ABCC11: variants seen among roughly 807,000 people sequenced by gnomAD.
ABCC11 encodes the protein ATP-binding cassette sub-family C member 11.
ABCC11 carries 135 observed loss-of-function variants against 149.3 expected under a neutral mutation model. That is an observed-to-expected ratio of 0.90 (90% CI 0.79 to 1.04). The LOEUF (loss-of-function observed/expected upper bound fraction) is 1.04, where lower values mean the gene tolerates loss of function less well. Among genes scored for constraint, ABCC11 ranks in the 50% least tolerant of loss-of-function variants. The pLI is 0.00. For synonymous variants in ABCC11, 665 were observed against 671.4 expected (o/e 0.99, Z 0.15); for missense variants, 1,680 against 1,722.1 (o/e 0.98, Z 0.43).
intron 14 of ABCC11, among the ~76,000 whole-genome samples, chr16:48,201,442 G>T (rs893852984): frequency 1.3e-5 from 2 of 150,348 alleles, no homozygotes; most frequent in African/African-American, 4.9e-5. Context: ...ATCACACTTA[G>T]CCAATGTTTT....
At chr16:48,217,751 C>T (rs1969446653) in intron 6 of ABCC11, among the ~76,000 whole-genome samples, 1 of 152,168 alleles carries the variant, frequency 6.6e-6, no homozygotes, top group Admixed American at 6.5e-5. Flanking sequence ...AGGACATGCC[C>T]TAGTGGGAGC....
At chr16:48,214,807 G>A (rs960987935) in intron 9 of ABCC11, 74 bp downstream of exon 9, 26 of 1,574,876 alleles carry the variant, frequency 1.7e-5, no homozygotes, top group Non-Finnish European at 2.0e-5. Context: ...CCTTTGAGGG[G>A]CATGGCTAAA....
chr16:48,235,008 C>T (rs554855846), intron 1 of ABCC11: 23 of 152,296 alleles, frequency 1.5e-4, no homozygotes, highest in African/African-American at 5.3e-4. Context: ...AAATTATTGG[C>T]TCAAACAAGG....
intron 1 of ABCC11, among the ~76,000 whole-genome samples, chr16:48,236,646 A>G (rs893687534): frequency 3.3e-5 from 5 of 152,232 alleles, no homozygotes; most frequent in Non-Finnish European, 7.3e-5. Flanking sequence ...AGGAGCTAGG[A>G]AAGCCACACA....
intron 6 of ABCC11, among the ~76,000 whole-genome samples, 165 bp downstream of exon 6, chr16:48,222,433 C>T (rs920899548): frequency 1.3e-5 from 2 of 152,156 alleles, no homozygotes; most frequent in Admixed American, 1.3e-4. Context: ...TCATGACACA[C>T]AGGCAATTGT....
At chr16:48,235,203 C>A (rs1004308401) in intron 1 of ABCC11, 1 of 149,992 alleles carries the variant, frequency 6.7e-6, no homozygotes, top group East Asian at 1.9e-4. Flanking sequence ...ACGAAGGTTT[C>A]ACAACTAGAG....
rs779501997 is a variant in ABCC11, at chr16:48,216,290, G to A, written c.778-3C>T. The stretch of plus-strand genomic sequence containing the variant: ...TCACCGGTGAAGAAGCTGATGGCCT[G>A]CAAGACAGCAAGTTGATGGGCACAG... On this transcript the variant is annotated splice_polypyrimidine_tract_variant and splice_region_variant and intron_variant, in intron 6 of 29. Coordinates refer to ENST00000356608, the MANE Select transcript of ABCC11 (RefSeq NM_001370497.1). The A allele has an allele frequency of 6.2e-7, 1 of 1,611,896 alleles. No individual in the cohort carries two copies.
intron 9 of ABCC11, among the ~76,000 whole-genome samples, chr16:48,214,265 A>G (rs916889180): frequency 6.6e-6 from 1 of 150,444 alleles, no homozygotes; most frequent in African/African-American, 2.5e-5. Context: ...CAACACCCTC[A>G]GACTTCTCGG....
chr16:48,192,178 T>A (rs1051553523), intron 20 of ABCC11, among the ~76,000 whole-genome samples: 1 of 151,816 alleles, frequency 6.6e-6, no homozygotes, highest in Non-Finnish European at 1.5e-5. Flanking sequence ...GGGTGGTGGC[T>A]CATGCCTGTA....
chr16:48,218,163 G>C (rs1400134702), intron 6 of ABCC11, among the ~76,000 whole-genome samples: 1 of 152,130 alleles, frequency 6.6e-6, no homozygotes, highest in Non-Finnish European at 1.5e-5. Context: ...AAGCATGGTG[G>C]TGTGTGCCTG....
chr16:48,224,665 CATCAT>C (rs1182965406), intron 4 of ABCC11, among the ~76,000 whole-genome samples: 1 of 152,118 alleles, frequency 6.6e-6, no homozygotes, highest in African/African-American at 2.4e-5. Flanking sequence ...AAATCTCAGT[CATCAT>C]ATCATTTTAT....
chr16:48,238,618 A>G (rs1970795739), intron 1 of ABCC11, among the ~76,000 whole-genome samples: 1 of 152,198 alleles, frequency 6.6e-6, no homozygotes, highest in Non-Finnish European at 1.5e-5. Flanking sequence ...AAAAACAAAA[A>G]AAAGATAATA....
rs781588084 is a variant in ABCC11, at chr16:48,167,535, C to A, written c.4017G>T (p.Val1339=). Residue 1339 remains valine (V), a synonymous_variant, in exon 29 of 30, where the codon GTG becomes GTT. Transcript: ENST00000356608. ...TAACCAGGATGTGGTCACAGTTCAG[C>A]ACAGTGGTGACACGGTGGGCAATGA... is the stretch of plus-strand genomic sequence containing the variant. The part of the protein sequence containing the change: ...VLVIAHRVTT[V]LNCDHILVMG... 1 of 1,614,168 alleles carries A rather than the reference C, an allele frequency of 6.2e-7. No homozygotes were observed. The highest frequency in any genetic ancestry group is 8.5e-7 in the Non-Finnish European group (1 of 1,180,028).
At chr16:48,232,560 A>T (rs937300288) in intron 1 of ABCC11, among the ~76,000 whole-genome samples, 2 of 152,222 alleles carry the variant, frequency 1.3e-5, no homozygotes, top group Admixed American at 1.3e-4. Flanking sequence ...TTTTTAAAAA[A>T]AAAATATGAC....
intron 3 of ABCC11, among the ~76,000 whole-genome samples, chr16:48,229,693 T>C (rs1425941397): frequency 6.6e-6 from 1 of 152,000 alleles, no homozygotes; most frequent in Non-Finnish European, 1.5e-5. Flanking sequence ...CTCGATCTCC[T>C]GACCTCATGA....
intron 5 of ABCC11, 22 bp downstream of exon 5, chr16:48,224,260 C>A: frequency 1.9e-6 from 3 of 1,612,772 alleles, no homozygotes; most frequent in Non-Finnish European, 2.5e-6. Context: ...GTCCCCCAAA[C>A]CTCACCAAGT....
intron 3 of ABCC11, among the ~76,000 whole-genome samples, chr16:48,229,307 A>G (rs1365431287): frequency 6.6e-6 from 1 of 152,200 alleles, no homozygotes; most frequent in Non-Finnish European, 1.5e-5. Flanking sequence ...TGGAGATAAC[A>G]TAATTCAATA....
rs367878868 is a variant in ABCC11 at position 48,167,142 on chromosome 16, C to T, written c.*132G>A. 2.1e-5 allele frequency: 12 copies of T among 560,384 alleles called. 1 individual carries two copies. Among genetic ancestry groups the T allele is most frequent in the Middle Eastern group, 5.9e-4 (1 of 1,700 alleles). 34.7% of individuals were successfully genotyped at this position (560,384 alleles called of 1,614,324 possible). A position where few individuals can be genotyped will look rare whatever the true frequency, so the allele number is the denominator to read the frequency against. The stretch of plus-strand genomic sequence containing the variant: ...TTTCCATCCAGCAATCCCCACCCCC[C>T]CTACATTTACCCCTGCTTCCAGGAG... On this transcript the variant is annotated 3_prime_UTR_variant, in exon 30 of 30. Coordinates refer to ENST00000356608, the MANE Select transcript of ABCC11 (RefSeq NM_001370497.1).
rs772001157 is a variant in ABCC11, at chr16:48,203,215, G to A, written c.1878+13C>T. The A allele has an allele frequency of 4.0e-5, 62 of 1,561,734 alleles. No homozygotes were observed. Among genetic ancestry groups the A allele is most frequent in the South Asian group, 3.3e-4 (28 of 84,818 alleles). On this transcript the variant is annotated intron_variant, in intron 14 of 29. Transcript: ENST00000356608. ...AACATTACACAGAGAAGGCAGGCTC[G>A]CCTCCCTCTCACCTCTGTCATGTCT...
Sources: gnomAD v4.1 joint callset for allele counts (sites outside exome capture counted in the v4.1 genomes callset) on GRCh38, gnomAD v4.1.1 for gene constraint, MANE v1.5 for transcripts, NCBI Gene and HGNC (gene_info 2026-07-23, HGNC 2026-07-21) for gene names.